The following ATP6V0D2 variants were observed in gnomAD, a reference collection of about 807,000 sequenced individuals.
The protein encoded by ATP6V0D2 is V-type proton ATPase subunit d 2.
In ATP6V0D2, 40 loss-of-function variants were observed where a neutral mutation model predicts 40.0. That is an observed-to-expected ratio of 1.00 (90% CI 0.78 to 1.30). The LOEUF (loss-of-function observed/expected upper bound fraction) is 1.30, where lower values mean the gene tolerates loss of function less well. ATP6V0D2 is among the 50% of genes most tolerant of loss of function. ATP6V0D2 has a pLI of 0.00. For synonymous variants in ATP6V0D2, 179 were observed against 156.3 expected (o/e 1.15, Z -1.08); for missense variants, 470 against 423.1 (o/e 1.11, Z -0.97).
intron 2 of ATP6V0D2, among the ~76,000 whole-genome samples, chr8:86,134,611 G>A (rs2130264622): frequency 6.6e-6 from 1 of 152,272 alleles, no homozygotes; most frequent in East Asian, 1.9e-4. Flanking sequence ...AAATAGTCTT[G>A]CAGTTTCTTA....
At chr8:86,106,529 A>AACAATAC (rs1818471925) in intron 1 of ATP6V0D2, among the ~76,000 whole-genome samples, 1 of 152,186 alleles carries the variant, frequency 6.6e-6, no homozygotes, top group Non-Finnish European at 1.5e-5. Flanking sequence ...TGTAAATCTT[A>AACAATAC]ACAATACACC....
intron 1 of ATP6V0D2, among the ~76,000 whole-genome samples, chr8:86,109,227 C>T (rs1405215783): frequency 6.6e-6 from 1 of 152,058 alleles, no homozygotes; most frequent in African/African-American, 2.4e-5. Context: ...GAAGCTTGTG[C>T]CTTCCAAATT....
At chr8:86,121,604 G>GGACGAT (rs71275830) in intron 2 of ATP6V0D2, among the ~76,000 whole-genome samples, 1 of 141,086 alleles carries the variant, frequency 7.1e-6, no homozygotes, top group Non-Finnish European at 1.6e-5. Flanking sequence ...AGGAGGAGGA[G>GGACGAT]GAGGAGGAGG....
chr8:86,138,103 C>G (rs1472887718), intron 2 of ATP6V0D2, among the ~76,000 whole-genome samples: 2 of 152,174 alleles, frequency 1.3e-5, no homozygotes, highest in African/African-American at 2.4e-5. Flanking sequence ...AGCCCCAGCC[C>G]CAGCTCCAGT....
intron 2 of ATP6V0D2, among the ~76,000 whole-genome samples, chr8:86,129,482 C>T (rs1818787901): frequency 6.6e-6 from 1 of 150,822 alleles, no homozygotes; most frequent in Non-Finnish European, 1.5e-5. Context: ...TTGAGACCAG[C>T]CTAGGCAACA....
intron 5 of ATP6V0D2, among the ~76,000 whole-genome samples, chr8:86,148,740 A>G (rs1334519016): frequency 6.6e-6 from 1 of 152,088 alleles, no homozygotes; most frequent in East Asian, 1.9e-4. Flanking sequence ...TACAGTAAAT[A>G]CTTAAGACTT....
intron 1 of ATP6V0D2, among the ~76,000 whole-genome samples, chr8:86,103,365 A>C (rs1818428574): frequency 6.6e-6 from 1 of 150,568 alleles, no homozygotes; most frequent in Non-Finnish European, 1.5e-5. Flanking sequence ...TCCTAACCCC[A>C]GGTGATCCGC....
chr8:86,143,561 T>C (rs1160644820), intron 5 of ATP6V0D2, among the ~76,000 whole-genome samples: 1 of 152,174 alleles, frequency 6.6e-6, no homozygotes, highest in Non-Finnish European at 1.5e-5. Flanking sequence ...TTGTAAACTG[T>C]CATGGTGCTG....
At chr8:86,146,846 AC>A (rs1819076341) in intron 5 of ATP6V0D2, among the ~76,000 whole-genome samples, 1 of 152,086 alleles carries the variant, frequency 6.6e-6, no homozygotes, top group Non-Finnish European at 1.5e-5. Context: ...CCTCCCTTTT[AC>A]TTTTGTAACT....
intron 2 of ATP6V0D2, among the ~76,000 whole-genome samples, chr8:86,136,298 T>C (rs941105770): frequency 3.3e-5 from 5 of 152,234 alleles, no homozygotes; most frequent in African/African-American, 9.6e-5. Flanking sequence ...CTGGGTGTTA[T>C]ATGCAGGCTG....
chr8:86,141,323 G>T, intron 3 of ATP6V0D2, 127 bp from the exon 4 acceptor site: 1 of 607,358 alleles, frequency 1.6e-6, no homozygotes. Context: ...TTAGTGGAGT[G>T]TATGGATTGC....
chr8:86,117,046 CA>C (rs150676255), intron 2 of ATP6V0D2, among the ~76,000 whole-genome samples: 7,073 of 152,148 alleles, frequency 0.046, 544 homozygotes, highest in African/African-American at 0.16. Context: ...GAGTTTTCAG[CA>C]GTTTTTAATG....
intron 2 of ATP6V0D2, among the ~76,000 whole-genome samples, chr8:86,116,666 C>A (rs1161033383): frequency 1.3e-5 from 2 of 152,084 alleles, no homozygotes; most frequent in Admixed American, 1.3e-4. Context: ...AGATCAGGCA[C>A]GTTCAGGGTG....
chr8:86,130,017 A>G (rs904812874), intron 2 of ATP6V0D2, among the ~76,000 whole-genome samples: 1 of 151,628 alleles, frequency 6.6e-6, no homozygotes, highest in Admixed American at 6.6e-5. Flanking sequence ...AAGAAAAAAG[A>G]AAATAATAAT....
intron 1 of ATP6V0D2, among the ~76,000 whole-genome samples, chr8:86,107,734 C>T (rs537019738): frequency 1.3e-5 from 2 of 152,210 alleles, no homozygotes; most frequent in Admixed American, 1.3e-4. Flanking sequence ...AGAAATGAGC[C>T]TGGGAAAATC....
At chr8:86,148,281 T>C (rs1360790539) in intron 5 of ATP6V0D2, among the ~76,000 whole-genome samples, 1 of 152,202 alleles carries the variant, frequency 6.6e-6, no homozygotes, top group African/African-American at 2.4e-5. Context: ...GGACTGGTTA[T>C]ATTCAGTAGC....
At chr8:86,146,664 G>T (rs1365628589) in intron 5 of ATP6V0D2, among the ~76,000 whole-genome samples, 1 of 152,070 alleles carries the variant, frequency 6.6e-6, no homozygotes, top group Non-Finnish European at 1.5e-5. Context: ...CTCATTCCAG[G>T]CTGGGTGACG....
chr8:86,099,554 C>T (rs1274120763), intron 1 of ATP6V0D2, among the ~76,000 whole-genome samples: 3 of 152,220 alleles, frequency 2.0e-5, no homozygotes, highest in East Asian at 1.9e-4. Flanking sequence ...AGTATAGTGG[C>T]GTGATCTTGG....
At chr8:86,124,785 A>T (rs1323000028) in intron 2 of ATP6V0D2, among the ~76,000 whole-genome samples, 1 of 152,216 alleles carries the variant, frequency 6.6e-6, no homozygotes, top group Non-Finnish European at 1.5e-5. Context: ...TTTCAAGAGA[A>T]CAGCAGCAGA....
Sources: allele counts gnomAD v4.1 joint callset (sites outside exome capture counted in the v4.1 genomes callset), GRCh38; gene constraint gnomAD v4.1.1; transcripts MANE v1.5; gene names NCBI Gene and HGNC (gene_info 2026-07-23, HGNC 2026-07-21).